SCMH1: variants seen among roughly 807,000 people sequenced by gnomAD.
SCMH1 encodes the protein polycomb protein SCMH1.
A neutral mutation model predicts 70.8 loss-of-function variants in SCMH1; 37 were observed. The ratio of observed to expected loss-of-function variants is 0.52; its 90% confidence interval spans 0.40 to 0.69. SCMH1 has a LOEUF of 0.69. Ranked by LOEUF, SCMH1 falls within the 30% of genes least tolerant of loss-of-function variation. The pLI is 0.00. For synonymous variants in SCMH1, 292 were observed against 307.4 expected, an observed-to-expected ratio of 0.95 and a Z score of 0.52; for missense variants, 607 against 827.3, an observed-to-expected ratio of 0.73 and a Z score of 3.27.
At chr1:41,048,977 T>G (rs1647162897) in intron 10 of SCMH1, 87 bp from the exon 11 acceptor site, 1 of 1,246,748 alleles carries the variant, frequency 8.0e-7, no homozygotes, top group Admixed American at 2.4e-5. Flanking sequence ...CTTTTATACC[T>G]TGGCCTCTGG....
At chr1:41,100,706 C>T (rs1666382395) in intron 8 of SCMH1, among the ~76,000 whole-genome samples, 1 of 151,952 alleles carries the variant, frequency 6.6e-6, no homozygotes, top group Non-Finnish European at 1.5e-5. Context: ...GCTGGGACTA[C>T]AGGCACCTGC....
At chr1:41,179,145 T>C (rs1232118007) in intron 2 of SCMH1, among the ~76,000 whole-genome samples, 1 of 151,946 alleles carries the variant, frequency 6.6e-6, no homozygotes, top group Admixed American at 6.5e-5. Flanking sequence ...ACTGGGTACA[T>C]AACGAAATGA....
chr1:41,129,425 A>C (rs1268289673), intron 6 of SCMH1, among the ~76,000 whole-genome samples: 1 of 152,078 alleles, frequency 6.6e-6, no homozygotes, highest in Non-Finnish European at 1.5e-5. Context: ...ACTTCTCTAG[A>C]TGTCTCATCT....
At chr1:41,030,395 C>G (rs1434425624) in intron 13 of SCMH1, among the ~76,000 whole-genome samples, 2 of 152,216 alleles carry the variant, frequency 1.3e-5, no homozygotes, top group Non-Finnish European at 2.9e-5. Flanking sequence ...TTTCACTCTG[C>G]AGCCCCTGCC....
Position 41,132,488 on chromosome 1 carries a change from T to C in SCMH1, c.412+10390A>G, listed in dbSNP as rs187521102. On this transcript the variant is annotated intron_variant, in intron 6 of 14. Transcript: ENST00000337495. ...AGATTGCAAAAATTTCCTCCTATTC[T>C]GTAGGTTGCCTGTTCACTCTGCTGA... is the stretch of plus-strand genomic sequence containing the variant. Among the ~76,000 whole-genome samples, 6 of 152,336 alleles carry C rather than the reference T, an allele frequency of 3.9e-5. No individual in the cohort carries two copies. The East Asian group carries it at 1.2e-3, about 29-fold the overall frequency.
At chr1:41,196,872 C>T (rs1653143330) in intron 1 of SCMH1, among the ~76,000 whole-genome samples, 1 of 152,046 alleles carries the variant, frequency 6.6e-6, no homozygotes, top group South Asian at 2.1e-4. Context: ...AAAACCTAAA[C>T]AACCCAATTC....
chr1:41,136,518 C>T (rs929713550), intron 6 of SCMH1, among the ~76,000 whole-genome samples: 5 of 151,896 alleles, frequency 3.3e-5, no homozygotes, highest in South Asian at 2.1e-4. Context: ...GGACTACAGG[C>T]ATGCACCACC....
In SCMH1 at chr1:41,115,725, C is replaced by T. The variant is rs1044896508; in HGVS notation, c.501+1197G>A. Among the ~76,000 whole-genome samples the T allele has an allele frequency of 5.3e-5, 8 of 152,260 alleles. No individual in the cohort carries two copies. In the East Asian group the frequency reaches 5.8e-4, roughly 11 times the overall value. ...TAGTATCAAAGTCTTGCGTGATTTCCGTATAGTTTATGCCAGCTTTATTTT... is the reference window on the plus strand; with the variant it reads ...TAGTATCAAAGTCTTGCGTGATTTCTGTATAGTTTATGCCAGCTTTATTTT... On this transcript the variant is annotated intron_variant, in intron 7 of 14. Coordinates refer to ENST00000337495, the Ensembl canonical transcript of SCMH1.
chr1:41,220,663 G>A (rs2148846686), intron 1 of SCMH1, among the ~76,000 whole-genome samples: 1 of 152,326 alleles, frequency 6.6e-6, no homozygotes, highest in East Asian at 1.9e-4. Flanking sequence ...GCCAATGCTA[G>A]AAATACAGAA....
intron 1 of SCMH1, among the ~76,000 whole-genome samples, chr1:41,232,913 C>A (rs1661588861): frequency 6.6e-6 from 1 of 152,140 alleles, no homozygotes; most frequent in African/African-American, 2.4e-5. Flanking sequence ...TTTCGAGCAC[C>A]TAATACATGT....
chr1:41,112,727 A>G (rs893617993), intron 8 of SCMH1, among the ~76,000 whole-genome samples: 1 of 152,230 alleles, frequency 6.6e-6, no homozygotes, highest in Non-Finnish European at 1.5e-5. Flanking sequence ...ATAACTTCAT[A>G]AAGTAGGTTT....
intron 13 of SCMH1, among the ~76,000 whole-genome samples, chr1:41,036,797 T>G (rs1218250139): frequency 1.3e-5 from 2 of 152,166 alleles, no homozygotes; most frequent in African/African-American, 2.4e-5. Flanking sequence ...CTTTTGCCCT[T>G]ATTCATGTTG....
At chr1:41,235,365 G>A (rs1409206864) in intron 1 of SCMH1, among the ~76,000 whole-genome samples, 1 of 151,792 alleles carries the variant, frequency 6.6e-6, no homozygotes, top group Non-Finnish European at 1.5e-5. Flanking sequence ...ATAGTCAGGA[G>A]TTTGAAACCA....
chr1:41,233,956 G>T (rs1661799595), intron 1 of SCMH1, among the ~76,000 whole-genome samples: 1 of 152,176 alleles, frequency 6.6e-6, no homozygotes, highest in African/African-American at 2.4e-5. Context: ...TGCTTGTTTA[G>T]TAAGTACTAT....
chr1:41,182,576 G>T (rs1049245136), intron 2 of SCMH1, among the ~76,000 whole-genome samples: 1 of 151,996 alleles, frequency 6.6e-6, no homozygotes, highest in Non-Finnish European at 1.5e-5. Context: ...AAATTAGCTA[G>T]GTGTGGAACC....
At chr1:41,082,278 T>C (rs1431954885) in intron 8 of SCMH1, among the ~76,000 whole-genome samples, 1 of 151,274 alleles carries the variant, frequency 6.6e-6, no homozygotes, top group Non-Finnish European at 1.5e-5. Flanking sequence ...TTCACCAAAG[T>C]TGAAATGAAG....
At chr1:41,142,266 T>C (rs994478389) in intron 6 of SCMH1, among the ~76,000 whole-genome samples, 1 of 152,106 alleles carries the variant, frequency 6.6e-6, no homozygotes, top group Non-Finnish European at 1.5e-5. Flanking sequence ...CGGTCCCCCA[T>C]TGAGACTCAC....
chr1:41,156,360 TATAA>T (rs565922097), intron 4 of SCMH1, among the ~76,000 whole-genome samples: 9 of 152,350 alleles, frequency 5.9e-5, no homozygotes, highest in African/African-American at 1.2e-4. Context: ...ACTATTACCG[TATAA>T]ATAGTGTTCC....
At chr1:41,105,443 G>C (rs1667659851) in intron 8 of SCMH1, among the ~76,000 whole-genome samples, 1 of 152,158 alleles carries the variant, frequency 6.6e-6, no homozygotes, top group Non-Finnish European at 1.5e-5. Flanking sequence ...CATGTTCCAA[G>C]TGGTGGGGAC....
Sources: gnomAD v4.1 joint callset for allele counts (sites outside exome capture counted in the v4.1 genomes callset) on GRCh38, gnomAD v4.1.1 for gene constraint, MANE v1.5 for transcripts, NCBI Gene and HGNC (gene_info 2026-07-23, HGNC 2026-07-21) for gene names.